The following COQ2 variants were observed in gnomAD, a reference collection of about 807,000 sequenced individuals.
The protein encoded by COQ2 is coenzyme Q2, polyprenyltransferase.
Under a neutral mutation model 35.7 loss-of-function variants are expected in COQ2, and 25 were observed. The observed-to-expected ratio is 0.70, with a 90% CI of 0.51 to 0.98. The LOEUF (loss-of-function observed/expected upper bound fraction) is 0.98, where lower values mean the gene tolerates loss of function less well. Ranked by LOEUF, COQ2 falls within the 50% of genes least tolerant of loss-of-function variation. The pLI is 0.00. For missense variants in COQ2, 488 were observed against 473.5 expected, an observed-to-expected ratio of 1.03 and a Z score of -0.28; for synonymous variants, 206 against 186.2, an observed-to-expected ratio of 1.11 and a Z score of -0.86.
At chr4:83,283,421 C>G (rs1420189377) in intron 1 of COQ2, 1 of 985,268 alleles carries the variant, frequency 1.0e-6, no homozygotes, top group African/African-American at 1.7e-5. Flanking sequence ...AGGTCAGGCT[C>G]GTATTCTTAG....
chr4:83,275,362 G>T (rs1735141367), intron 2 of COQ2, among the ~76,000 whole-genome samples: 1 of 151,970 alleles, frequency 6.6e-6, no homozygotes, highest in African/African-American at 2.4e-5. Flanking sequence ...CTACCAGCTG[G>T]GGTTACAAGC....
intron 6 of COQ2, among the ~76,000 whole-genome samples, chr4:83,264,611 G>T (rs1460142216): frequency 6.6e-6 from 1 of 151,904 alleles, no homozygotes; most frequent in Non-Finnish European, 1.5e-5. Context: ...CACCCTCCTA[G>T]CCTGGGTGAG....
In COQ2 at chr4:83,284,059, G is replaced by A. The variant is rs1040659551; in HGVS notation, c.253+453C>T. The stretch of plus-strand genomic sequence containing the variant: ...CCTTAGTTTCCTCAGCGTCTTAACT[G>A]TCTTAAGGATTGTCTTTGTGGGCCT... On this transcript the variant is annotated intron_variant, in intron 1 of 6. Transcript: ENST00000647002. 4.0e-5 allele frequency: 39 copies of A among 985,328 alleles called. No individual in the cohort carries two copies. The African/African-American group carries it at 6.6e-4, about 17-fold the overall frequency. 61.0% of individuals were successfully genotyped at this position (985,328 alleles called of 1,614,324 possible).
intron 2 of COQ2, 23 bp downstream of exon 2, chr4:83,278,925 A>G: frequency 6.4e-6 from 10 of 1,555,246 alleles, no homozygotes; most frequent in Non-Finnish European, 8.7e-6. Context: ...GAGCCTCTCT[A>G]TTCCTTTTCA....
Position 83,278,950 on chromosome 4 carries a change from T to A in COQ2, c.418A>T (p.Lys140Ter), listed in dbSNP as rs753752213. The A allele has an allele frequency of 6.3e-7, 1 of 1,577,216 alleles. No homozygotes were observed. Among genetic ancestry groups the A allele is most frequent in the Non-Finnish European group, 8.6e-7 (1 of 1,164,724 alleles). The change falls in exon 2 of 7, where the codon AAG becomes TAG. Residue 140 changes from lysine (K) to a stop codon, truncating the protein, a stop_gained and splice_region_variant. Transcript: ENST00000647002. LOFTEE classifies it high-confidence loss of function. ...ATTCCTTTTCAGGATGAAATTACCT[T>A]TTTATCATAGTCCTGGTCCCACATG... ...NDMWDQDYDK[K>*]VTRTANRPIA...
At chr4:83,266,725 T>C (rs996227161) in intron 6 of COQ2, 1 of 157,356 alleles carries the variant, frequency 6.4e-6, no homozygotes, top group Non-Finnish European at 1.4e-5. Context: ...AAGTCAACAA[T>C]GTAGATTCTC....
intron 1 of COQ2, among the ~76,000 whole-genome samples, chr4:83,280,522 G>A (rs1262911994): frequency 6.6e-6 from 1 of 152,206 alleles, no homozygotes; most frequent in African/African-American, 2.4e-5. Context: ...ATACAATGGT[G>A]GCTAAGAGAA....
intron 5 of COQ2, among the ~76,000 whole-genome samples, chr4:83,269,354 C>T (rs779340189): frequency 1.1e-4 from 17 of 152,004 alleles, no homozygotes; most frequent in Non-Finnish European, 5.9e-5. Context: ...AAAATGTTCA[C>T]TAACTACACC....
At chr4:83,276,122 A>G (rs1332485610) in intron 2 of COQ2, among the ~76,000 whole-genome samples, 2 of 146,672 alleles carry the variant, frequency 1.4e-5, no homozygotes, top group Non-Finnish European at 3.0e-5. Flanking sequence ...AGTGTACAGA[A>G]TAAAACTGAC....
chr4:83,271,613 G>C (rs1328761385), intron 4 of COQ2, among the ~76,000 whole-genome samples: 1 of 152,188 alleles, frequency 6.6e-6, no homozygotes, highest in Non-Finnish European at 1.5e-5. Context: ...AGGGGTTTGA[G>C]ACCAGCCTGG....
chr4:83,265,486 C>T (rs964177901), intron 6 of COQ2, among the ~76,000 whole-genome samples: 90 of 152,038 alleles, frequency 5.9e-4, no homozygotes, highest in African/African-American at 1.9e-3. Flanking sequence ...GCACGAGAAT[C>T]GCTTGAAACC....
intron 5 of COQ2, among the ~76,000 whole-genome samples, chr4:83,269,555 G>C (rs986025323): frequency 5.9e-5 from 9 of 152,136 alleles, no homozygotes; most frequent in African/African-American, 2.2e-4. Context: ...AAGACTGTTG[G>C]GGGATTAAGT....
chr4:83,275,816 G>A (rs1414294591), intron 2 of COQ2, among the ~76,000 whole-genome samples: 4 of 151,634 alleles, frequency 2.6e-5, no homozygotes, highest in Admixed American at 6.6e-5. Flanking sequence ...AATCTCAAAT[G>A]TTCAGTTATC....
At chr4:83,269,678 G>T (rs560053014) in intron 5 of COQ2, among the ~76,000 whole-genome samples, 182 bp downstream of exon 5, 1 of 151,846 alleles carries the variant, frequency 6.6e-6, no homozygotes, top group Non-Finnish European at 1.5e-5. Context: ...AAAAAATTTT[G>T]TTGGAGCCAT....
rs1734853352 is a variant in COQ2 at position 83,264,124 on chromosome 4, G to A, written c.*75C>T. On this transcript the variant is annotated 3_prime_UTR_variant, in exon 7 of 7. Transcript: ENST00000647002. Reference sequence around the variant, plus strand: ...CAGGTTCTTAATTCTTTAACATATTGTATCAGATTTTGTATTCAAATCTAA... The same window carrying A: ...CAGGTTCTTAATTCTTTAACATATTATATCAGATTTTGTATTCAAATCTAA... 1 of 811,564 alleles carries A rather than the reference G, an allele frequency of 1.2e-6. No homozygotes were observed. Among genetic ancestry groups the A allele is most frequent in the African/African-American group, 1.8e-5 (1 of 55,398 alleles). 50.3% of individuals were successfully genotyped at this position (811,564 alleles called of 1,614,324 possible).
At chr4:83,276,059 AATATATATTTTATATATAAT>A (rs1264620872) in intron 2 of COQ2, among the ~76,000 whole-genome samples, 1 of 18,962 alleles carries the variant, frequency 5.3e-5, no homozygotes, top group Admixed American at 1.1e-3. Context: ...TATTATATAT[AATATATATTTTATATATAAT>A]ATATATATAC....
chr4:83,275,745 G>C (rs1230791576), intron 2 of COQ2, among the ~76,000 whole-genome samples: 1 of 151,986 alleles, frequency 6.6e-6, no homozygotes, highest in African/African-American at 2.4e-5. Context: ...GTTTAGAGGA[G>C]AGTCTGTCTA....
intron 1 of COQ2, chr4:83,283,605 T>C: frequency 4.1e-6 from 4 of 985,460 alleles, no homozygotes; most frequent in Non-Finnish European, 4.8e-6. Flanking sequence ...GTATCACTCA[T>C]ATTTGATCCA....
chr4:83,282,038 G>T (rs1735337886), intron 1 of COQ2, among the ~76,000 whole-genome samples: 1 of 151,624 alleles, frequency 6.6e-6, no homozygotes, highest in South Asian at 2.1e-4. Flanking sequence ...AGGTAGCAAA[G>T]ACAAGAGACA....
Sources: gnomAD v4.1 joint callset for allele counts (sites outside exome capture counted in the v4.1 genomes callset) on GRCh38, gnomAD v4.1.1 for gene constraint, MANE v1.5 for transcripts, NCBI Gene and HGNC (gene_info 2026-07-23, HGNC 2026-07-21) for gene names.